MOCS1: variants seen among roughly 807,000 people sequenced by gnomAD.
MOCS1 encodes molybdenum cofactor biosynthesis protein 1.
Under a neutral mutation model 57.6 loss-of-function variants are expected in MOCS1, and 39 were observed. The observed-to-expected ratio is 0.68, with a 90% CI of 0.52 to 0.88. The LOEUF (loss-of-function observed/expected upper bound fraction) is 0.88. Ranked by LOEUF, MOCS1 falls within the 40% of genes least tolerant of loss-of-function variation. The pLI is 0.00. For synonymous variants in MOCS1, 334 were observed against 335.7 expected (o/e 1.00, Z 0.05); for missense variants, 795 against 831.1 (o/e 0.96, Z 0.53).
chr6:39,906,594 G>C lies in MOCS1; in HGVS notation c.1674C>G (p.Ala558=), dbSNP rs1466402805. ...SQLIPLCHHV[A]LSHIQVQLEL... is the part of the protein sequence containing the mutation. ...CCAGCTGCACCTGGATGTGGCTCAG[G>C]GCCACGTGGTGGCACAGAGGGATCA... The change falls in exon 11 of 11, where the codon GCC becomes GCG. Residue 558 remains alanine, a synonymous_variant. Transcript: ENST00000340692. 6.2e-7 allele frequency: 1 copy of C among 1,613,718 alleles called. No individual in the cohort carries two copies. The highest frequency in any genetic ancestry group is 8.5e-7 in the Non-Finnish European group (1 of 1,180,038).
At chr6:39,932,106 C>A (rs1370784687) in intron 1 of MOCS1, among the ~76,000 whole-genome samples, 3 of 152,174 alleles carry the variant, frequency 2.0e-5, no homozygotes, top group African/African-American at 7.2e-5. Flanking sequence ...CTCCCTCACA[C>A]CCTCATCCTG....
intron 8 of MOCS1, 54 bp from the exon 9 acceptor site, chr6:39,910,009 G>C: frequency 6.2e-7 from 1 of 1,606,544 alleles, no homozygotes; most frequent in Non-Finnish European, 8.5e-7. Context: ...TTGGCCTCCT[G>C]GCCTCTGAGG....
Position 39,906,477 on chromosome 6 carries a change from A to G in MOCS1, c.1791T>C (p.Ala597=). 6.2e-7 allele frequency: 1 copy of G among 1,614,106 alleles called. No homozygotes were observed. Among genetic ancestry groups the G allele is most frequent in the South Asian group, 1.1e-5 (1 of 91,086 alleles). The change falls in exon 11 of 11, where the codon GCT becomes GCC. Residue 597 remains alanine (A), a synonymous_variant. Coordinates refer to ENST00000340692, the MANE Select transcript of MOCS1 (RefSeq NM_001358530.2). ...CATACAGGGTGAGGGCGGCCACTGC[A>G]GCAGAGGTCAGGGCCTCCATCTCCA... is the stretch of plus-strand genomic sequence containing the variant. ...TGVEMEALTS[A]AVAALTLYDM... is the part of the protein sequence containing the mutation.
rs2475510 is a variant in MOCS1 at position 39,911,927 on chromosome 6, C to T, written c.981+337G>A. On this transcript the variant is annotated intron_variant, in intron 8 of 10. Transcript: ENST00000340692. The stretch of plus-strand genomic sequence containing the variant: ...CCATTTCTGGTTTCAGAGCTGAGCC[C>T]CTGGCCTGGTGGAAGGGGCTAACCA... Among the ~76,000 whole-genome samples, 315 of 152,286 alleles carry T rather than the reference C, an allele frequency of 2.1e-3. 2 individuals carry two copies. The highest frequency in any genetic ancestry group is 7.3e-3 in the African/African-American group (304 of 41,554).
chr6:39,931,730 A>G (rs1205766767), intron 1 of MOCS1, among the ~76,000 whole-genome samples: 2 of 151,016 alleles, frequency 1.3e-5, no homozygotes, highest in Admixed American at 1.3e-4. Flanking sequence ...TTGCAGCCTA[A>G]CCCCTAGCCA....
At chr6:39,910,624 C>G (rs1767264570) in intron 8 of MOCS1, among the ~76,000 whole-genome samples, 1 of 152,210 alleles carries the variant, frequency 6.6e-6, no homozygotes, top group Admixed American at 6.5e-5. Context: ...GCACAAGGCA[C>G]TGTGGCCACA....
chr6:39,909,797 C>A (rs755341970), intron 9 of MOCS1, 38 bp downstream of exon 9: 30 of 1,609,484 alleles, frequency 1.9e-5, no homozygotes, highest in Middle Eastern at 2.0e-4. Context: ...ACAAGGCCCA[C>A]TCACCATCCA....
intron 1 of MOCS1, among the ~76,000 whole-genome samples, chr6:39,933,428 C>T (rs1418942463): frequency 2.6e-5 from 4 of 151,938 alleles, no homozygotes; most frequent in African/African-American, 4.8e-5. Context: ...GCAAATTTGG[C>T]GGAAGTCATT....
Position 39,913,820 on chromosome 6 carries a change from A to G in MOCS1, c.599T>C (p.Met200Thr), listed in dbSNP as rs1767494978. 1.9e-6 allele frequency: 3 copies of G among 1,614,188 alleles called. No homozygotes were observed. The highest frequency in any genetic ancestry group is 1.6e-4 in the Middle Eastern group (1 of 6,062). ...CTCGATGGCCTTGTGGATGCCCTCC[A>G]TGACCTTGTGGAAGCCTGGGAGGGA... ...IVRRKGFHKV[M>T]EGIHKAIELG... The change falls in exon 5 of 11, where the codon ATG (methionine) becomes ACG (threonine). Residue 200 changes from methionine (M) to threonine (T), a missense_variant. By Grantham distance (81) the Met-to-Thr change is moderately conservative (BLOSUM62 -1). Transcript: ENST00000340692.
Position 39,906,200 on chromosome 6 carries a change from C to T in MOCS1, c.*157G>A, listed in dbSNP as rs1261491594. 3.3e-6 allele frequency: 3 copies of T among 905,102 alleles called. No individual in the cohort carries two copies. Among genetic ancestry groups the T allele is most frequent in the Non-Finnish European group, 5.5e-6 (3 of 548,548 alleles). 56.1% of individuals were successfully genotyped at this position (905,102 alleles called of 1,614,324 possible). A position where few individuals can be genotyped will look rare whatever the true frequency, so the allele number is the denominator to read the frequency against. On this transcript the variant is annotated 3_prime_UTR_variant, in exon 11 of 11. Coordinates refer to ENST00000340692, the MANE Select transcript of MOCS1 (RefSeq NM_001358530.2). ...TTGGTCATTAGAGATCATCTAGCAG[C>T]AGGCCTGTTTGTTAGTAGTAGAGCA...
rs753694766 is a variant in MOCS1 at position 39,907,088 on chromosome 6, G to A, written c.1180C>T (p.Pro394Ser). 6.2e-6 allele frequency: 10 copies of A among 1,613,216 alleles called. No homozygotes were observed. Among genetic ancestry groups the A allele is most frequent in the South Asian group, 1.1e-5 (1 of 91,044 alleles). The change falls in exon 11 of 11, where the codon CCA becomes TCA. Residue 394 changes from proline to serine, a missense_variant. By Grantham distance (74) the Pro-to-Ser change is moderately conservative. Around this residue, in one of 3 missense-constraint regions of MOCS1, gnomAD observed 374 missense variants for 422.6 expected, o/e 0.89. Transcript: ENST00000340692. Reference protein sequence around the residue: ...ELFLMFPNSPPANPSIFSWDP... With the variant: ...ELFLMFPNSPSANPSIFSWDP... ...CAGGAGAAAATGCTTGGATTGGCTG[G>A]TGGGGAATTGGGGAACATCAAAAAT...
intron 8 of MOCS1, 79 bp downstream of exon 8, chr6:39,912,185 C>T (rs1467053279): frequency 4.4e-6 from 5 of 1,139,244 alleles, no homozygotes; most frequent in Non-Finnish European, 6.7e-6. Flanking sequence ...AGCCTCCTCT[C>T]CAATCAGGGA....
Position 39,925,745 on chromosome 6 carries a change from T to C in MOCS1, c.351A>G (p.Glu117=). The C allele has an allele frequency of 6.2e-7, 1 of 1,612,810 alleles. No homozygotes were observed. The highest frequency in any genetic ancestry group is 8.5e-7 in the Non-Finnish European group (1 of 1,179,974). The stretch of plus-strand genomic sequence containing the variant: ...CTGTGAGCCGGATCTTGTCGATGCC[T>C]TCCTTCACAAAGAGCCGGGCGAGGG... ...ILTLARLFVK[E]GIDKIRLTGG... is the part of the protein sequence containing the mutation. Residue 117 remains glutamate (E), a synonymous_variant, in exon 3 of 11, where the codon GAA becomes GAG. Coordinates refer to ENST00000340692, the MANE Select transcript of MOCS1 (RefSeq NM_001358530.2).
In MOCS1 at chr6:39,925,709, C is replaced by T. The variant is rs547995191; in HGVS notation, c.387G>A (p.Pro129=). 5.6e-6 allele frequency: 9 copies of T among 1,612,820 alleles called. No individual in the cohort carries two copies. The highest frequency in any genetic ancestry group is 4.0e-5 in the African/African-American group (3 of 75,024). The change falls in exon 3 of 11, where the codon CCG becomes CCA. Residue 129 remains proline (P), a synonymous_variant. Transcript: ENST00000340692. Reference sequence around the variant, plus strand: ...TGTCCACCACGTCCGGCCGGATAAGCGGCTCTCCACCTGTGAGCCGGATCT... The same window carrying T: ...TGTCCACCACGTCCGGCCGGATAAGTGGCTCTCCACCTGTGAGCCGGATCT... ...IDKIRLTGGE[P]LIRPDVVDIV... is the part of the protein sequence containing the mutation.
chr6:39,913,063 G>T, intron 6 of MOCS1, 59 bp from the exon 7 acceptor site: 1 of 1,429,158 alleles, frequency 7.0e-7, no homozygotes, highest in Non-Finnish European at 9.9e-7. Context: ...AAGGGGCCCC[G>T]GGGTCTTTGA....
chr6:39,934,322 G>T lies in MOCS1; in HGVS notation c.96C>A (p.Pro32=). The T allele has an allele frequency of 6.5e-7, 1 of 1,549,514 alleles. No homozygotes were observed. The highest frequency in any genetic ancestry group is 2.4e-5 in the East Asian group (1 of 41,704). The change falls in exon 1 of 11, where the codon CCC becomes CCA. Residue 32 remains proline, a synonymous_variant. Coordinates refer to ENST00000340692, the MANE Select transcript of MOCS1 (RefSeq NM_001358530.2). The part of the protein sequence containing the change: ...SSGAPVTQPC[P]GESARAASEE... ...CCGAGGCAGCTCGCGCGGACTCCCCGGGGCAGGGCTGGGTCACCGGAGCCC... is the reference window on the plus strand; with the variant it reads ...CCGAGGCAGCTCGCGCGGACTCCCCTGGGCAGGGCTGGGTCACCGGAGCCC...
At chr6:39,922,667 G>A (rs761323458) in intron 3 of MOCS1, among the ~76,000 whole-genome samples, 4 of 152,308 alleles carry the variant, frequency 2.6e-5, no homozygotes, top group South Asian at 2.1e-4. Context: ...GCAAGGGGTT[G>A]GCAGAGGGAG....
intron 3 of MOCS1, among the ~76,000 whole-genome samples, chr6:39,923,917 T>C (rs1197286473): frequency 6.6e-6 from 1 of 152,118 alleles, no homozygotes; most frequent in African/African-American, 2.4e-5. Context: ...CTCAGCACAG[T>C]AGGAGGCATG....
At chr6:39,919,775 TA>T (rs556844543) in intron 3 of MOCS1, among the ~76,000 whole-genome samples, 4 of 152,056 alleles carry the variant, frequency 2.6e-5, no homozygotes, top group African/African-American at 4.8e-5. Flanking sequence ...TAAAGAACTA[TA>T]AAAAAATGGC....
Sources: gnomAD v4.1 joint callset for allele counts (sites outside exome capture counted in the v4.1 genomes callset) on GRCh38, gnomAD v4.1.1 for gene constraint, gnomAD v4.1.1 regional missense constraint, MANE v1.5 for transcripts, NCBI Gene and HGNC (gene_info 2026-07-23, HGNC 2026-07-21) for gene names.